Variants in UHRF2 observed in about 807,000 individuals in gnomAD.
The protein encoded by UHRF2 is ubiquitin like with PHD and ring finger domains 2, also known as E3 ubiquitin-protein ligase UHRF2.
UHRF2 carries 23 observed loss-of-function variants against 96.8 expected under a neutral mutation model. The observed-to-expected ratio is 0.24, with a 90% confidence interval of 0.17 to 0.34. The LOEUF is 0.34. Ranked by LOEUF, UHRF2 falls within the 10% of genes least tolerant of loss-of-function variation. The pLI, the probability that UHRF2 is intolerant of heterozygous loss-of-function variation, is 1.00. For synonymous variants in UHRF2, 385 were observed against 332.6 expected, an observed-to-expected ratio of 1.16 and a Z score of -1.72; for missense variants, 685 against 981.5, an observed-to-expected ratio of 0.70 and a Z score of 4.04.
intron 10 of UHRF2, chr9:6,495,092 C>G (rs1264390253): frequency 6.6e-6 from 1 of 152,164 alleles, no homozygotes; most frequent in Non-Finnish European, 1.5e-5. Flanking sequence ...CAAAAGGACT[C>G]TTTCAAGTTG....
chr9:6,422,477 G>C (rs1248602155), intron 2 of UHRF2, among the ~76,000 whole-genome samples: 2 of 152,176 alleles, frequency 1.3e-5, no homozygotes, highest in Non-Finnish European at 2.9e-5. Flanking sequence ...TGTAGAAATA[G>C]CATATAAAGC....
At chr9:6,420,061 T>C (rs940103136) in intron 1 of UHRF2, among the ~76,000 whole-genome samples, 5 of 145,432 alleles carry the variant, frequency 3.4e-5, no homozygotes, top group Non-Finnish European at 6.1e-5. Flanking sequence ...CCCCGCCACC[T>C]TTTTTTTTTT....
chr9:6,472,773 A>G (rs1002345670), intron 4 of UHRF2, among the ~76,000 whole-genome samples: 1 of 152,230 alleles, frequency 6.6e-6, no homozygotes, highest in African/African-American at 2.4e-5. Context: ...GCTGGCAACA[A>G]TGTCTTGCGT....
chr9:6,463,638 T>G (rs1438927421), intron 4 of UHRF2, among the ~76,000 whole-genome samples: 10 of 152,166 alleles, frequency 6.6e-5, no homozygotes, highest in Admixed American at 6.5e-4. Flanking sequence ...GCCCATCTCA[T>G]TTTTTGTATT....
In UHRF2 at chr9:6,486,774, C is replaced by G. The variant is rs774838855; in HGVS notation, c.1393-47C>G. 6 of 1,575,732 alleles carry G rather than the reference C, an allele frequency of 3.8e-6. No homozygotes were observed. The East Asian group carries it at 1.1e-4, about 29-fold the overall frequency. On this transcript the variant is annotated intron_variant, in intron 8 of 15. Coordinates refer to ENST00000276893, the MANE Select transcript of UHRF2 (RefSeq NM_152896.3). ...ATATGAAAGCATTTTGTAAATGTAT[C>G]TTAACTGTTCAGAGGTATTTTGAGA...
chr9:6,469,448 A>G (rs1002454237), intron 4 of UHRF2, among the ~76,000 whole-genome samples: 1 of 151,946 alleles, frequency 6.6e-6, no homozygotes, highest in South Asian at 2.1e-4. Flanking sequence ...AACCTGGGAG[A>G]CAGAGGTTGC....
chr9:6,487,822 C>T (rs1009117915), intron 9 of UHRF2, among the ~76,000 whole-genome samples: 2 of 152,138 alleles, frequency 1.3e-5, no homozygotes, highest in African/African-American at 2.4e-5. Flanking sequence ...TTTTTTTGGT[C>T]ATTCTTCTTT....
chr9:6,454,790 C>G (rs1587818485), intron 3 of UHRF2, among the ~76,000 whole-genome samples: 1 of 152,258 alleles, frequency 6.6e-6, no homozygotes, highest in East Asian at 1.9e-4. Flanking sequence ...TGCTGCCTCA[C>G]TCTAGGATAT....
intron 8 of UHRF2, among the ~76,000 whole-genome samples, chr9:6,484,392 TCTCCTC>T (rs1196787369): frequency 6.7e-6 from 1 of 149,442 alleles, no homozygotes; most frequent in African/African-American, 2.5e-5. Flanking sequence ...GGCAGCAGCT[TCTCCTC>T]CTCCTCCTCC....
intron 4 of UHRF2, among the ~76,000 whole-genome samples, chr9:6,467,602 T>TC (rs1163510067): frequency 1.3e-5 from 2 of 150,406 alleles, no homozygotes; most frequent in African/African-American, 4.9e-5. Context: ...ATAGTTTTTT[T>TC]TTTTTTTTTT....
At chr9:6,499,060 CTT>C (rs1427535503) in intron 12 of UHRF2, 1 of 152,156 alleles carries the variant, frequency 6.6e-6, no homozygotes, top group African/African-American at 2.4e-5. Flanking sequence ...ATAAAAATAA[CTT>C]TGTCAAATTC....
chr9:6,468,641 C>T (rs888477001), intron 4 of UHRF2: 1 of 456,042 alleles, frequency 2.2e-6, no homozygotes, highest in Non-Finnish European at 4.4e-6. Context: ...AAGCATATGG[C>T]CTGCTTTCAC....
chr9:6,497,426 A>C (rs1825030853), intron 11 of UHRF2, 66 bp downstream of exon 11: 1 of 1,575,966 alleles, frequency 6.3e-7, no homozygotes, highest in African/African-American at 1.3e-5. Flanking sequence ...GGTTGTTGCA[A>C]GGAACTACTG....
chr9:6,444,125 GGA>G (rs1362875210), intron 3 of UHRF2, among the ~76,000 whole-genome samples: 3 of 152,178 alleles, frequency 2.0e-5, no homozygotes, highest in African/African-American at 7.2e-5. Flanking sequence ...GGTTTTGATG[GGA>G]GAGAGAGTAG....
In UHRF2 at chr9:6,497,372, G is replaced by A. The variant is rs778740871; in HGVS notation, c.1767+12G>A. 1.2e-6 allele frequency: 2 copies of A among 1,610,508 alleles called. No homozygotes were observed. Among genetic ancestry groups the A allele is most frequent in the Non-Finnish European group, 1.7e-6 (2 of 1,177,534 alleles). Reference sequence around the variant, plus strand: ...ATGGCATTTATAAGGTGCTCTATCTGGCATGACATCTTGTTTGTCATTCTT... The same window carrying A: ...ATGGCATTTATAAGGTGCTCTATCTAGCATGACATCTTGTTTGTCATTCTT... On this transcript the variant is annotated intron_variant, in intron 11 of 15. Coordinates refer to ENST00000276893, the MANE Select transcript of UHRF2 (RefSeq NM_152896.3).
At chr9:6,436,670 G>T (rs1423633228) in intron 3 of UHRF2, among the ~76,000 whole-genome samples, 1 of 152,146 alleles carries the variant, frequency 6.6e-6, no homozygotes, top group Non-Finnish European at 1.5e-5. Context: ...GGCTCTTAAA[G>T]TTGCTTTTGA....
chr9:6,484,396 C>G (rs1824123614), intron 8 of UHRF2, among the ~76,000 whole-genome samples: 1 of 150,020 alleles, frequency 6.7e-6, no homozygotes, highest in Non-Finnish European at 1.5e-5. Flanking sequence ...GCAGCTTCTC[C>G]TCCTCCTCCT....
At chr9:6,485,259 A>C (rs1360278328) in intron 8 of UHRF2, among the ~76,000 whole-genome samples, 1 of 152,228 alleles carries the variant, frequency 6.6e-6, no homozygotes, top group African/African-American at 2.4e-5. Context: ...TAAATTGAAT[A>C]TACTACTATA....
chr9:6,474,220 G>T (rs1193681470), intron 4 of UHRF2, among the ~76,000 whole-genome samples: 1 of 152,174 alleles, frequency 6.6e-6, no homozygotes, highest in East Asian at 1.9e-4. Context: ...CATTTATGCA[G>T]TTTTTTGCAT....
Sources: gnomAD v4.1 joint callset for allele counts (sites outside exome capture counted in the v4.1 genomes callset) on GRCh38, gnomAD v4.1.1 for gene constraint, MANE v1.5 for transcripts, NCBI Gene and HGNC (gene_info 2026-07-23, HGNC 2026-07-21) for gene names.